Variants in ALDH1L2 observed in about 807,000 individuals in gnomAD.
ALDH1L2 encodes aldehyde dehydrogenase 1 family member L2, also known as mitochondrial 10-formyltetrahydrofolate dehydrogenase.
A neutral mutation model predicts 111.0 loss-of-function variants in ALDH1L2; 91 were observed. The ratio of observed to expected loss-of-function variants is 0.82; its 90% CI spans 0.69 to 0.98. The LOEUF (loss-of-function observed/expected upper bound fraction) is 0.98. Among genes scored for constraint, ALDH1L2 ranks in the 50% least tolerant of loss-of-function variants. ALDH1L2 has a pLI of 0.00. For synonymous variants in ALDH1L2, 374 were observed against 392.6 expected, an observed-to-expected ratio of 0.95 and a Z score of 0.56; for missense variants, 995 against 1,126.8, an observed-to-expected ratio of 0.88 and a Z score of 1.67.
At chr12:105,034,442 G>A (rs770416799) in intron 18 of ALDH1L2, 44 bp from the exon 19 acceptor site, 2 of 1,542,366 alleles carry the variant, frequency 1.3e-6, no homozygotes, top group South Asian at 2.3e-5. Context: ...CATTTGAGAA[G>A]TCAAGATTCT....
chr12:105,028,193 C>T (rs1874516094), intron 21 of ALDH1L2, among the ~76,000 whole-genome samples: 1 of 152,200 alleles, frequency 6.6e-6, no homozygotes, highest in Non-Finnish European at 1.5e-5. Flanking sequence ...TCACTGCAAC[C>T]TTCGCCTCCC....
chr12:105,083,407 T>C (rs1358946259), intron 1 of ALDH1L2, among the ~76,000 whole-genome samples: 1 of 149,970 alleles, frequency 6.7e-6, no homozygotes, highest in East Asian at 2.0e-4. Context: ...CGAATTCTTA[T>C]TATTTGGGGT....
rs527764022 is a variant in ALDH1L2 at position 105,055,081 on chromosome 12, AG to A, written c.1288-2151del. ...GAATCCAGAAGACCAATATACAAGC[AG>A]GGCTTGTGCATGTGCCCAGAAAAGA... On this transcript the variant is annotated intron_variant, in intron 10 of 22. Transcript: ENST00000258494. Among the ~76,000 whole-genome samples, 26 of 152,362 alleles carry A rather than the reference AG, an allele frequency of 1.7e-4. No individual in the cohort carries two copies. In the East Asian group the frequency reaches 4.4e-3, roughly 26 times the overall value.
chr12:105,039,631 A>T, intron 17 of ALDH1L2, 82 bp downstream of exon 17: 1 of 1,084,756 alleles, frequency 9.2e-7, no homozygotes, highest in Non-Finnish European at 1.4e-6. Context: ...AGTTTTTCTC[A>T]CTCAAAAAGT....
At chr12:105,051,825 C>G (rs1213033621) in intron 12 of ALDH1L2, among the ~76,000 whole-genome samples, 1 of 146,956 alleles carries the variant, frequency 6.8e-6, no homozygotes, top group Non-Finnish European at 1.5e-5. Flanking sequence ...TGCTTTCTAG[C>G]ACAGGCTGGA....
chr12:105,032,631 A>G (rs1174139459), intron 19 of ALDH1L2, among the ~76,000 whole-genome samples: 4 of 152,210 alleles, frequency 2.6e-5, no homozygotes, highest in Non-Finnish European at 4.4e-5. Flanking sequence ...AGTGCACCCA[A>G]CCACTAAATA....
chr12:105,046,899 CCGAGTGGCTCTTTCTTGGT>C lies in ALDH1L2; in HGVS notation c.1738_1756del (p.Thr580ValfsTer13), dbSNP rs779407676. The C allele has an allele frequency of 1.2e-5, 19 of 1,614,014 alleles. No individual in the cohort carries two copies. Among genetic ancestry groups the C allele is most frequent in the Non-Finnish European group, 1.6e-5 (19 of 1,179,900 alleles). On this transcript the variant is annotated frameshift_variant and splice_region_variant, in exon 14 of 23. Coordinates refer to ENST00000258494, the MANE Select transcript of ALDH1L2 (RefSeq NM_001034173.4). LOFTEE classifies it high-confidence loss of function. ...CTCAGAGGCACTCTCCTTATCTTAC[CCGAGTGGCTCTTTCTTGGT>C]GAAGGTCAGATTGCGATTTGGACGG... is the stretch of plus-strand genomic sequence containing the variant.
At chr12:105,059,155 T>C (rs1222587622) in intron 9 of ALDH1L2, among the ~76,000 whole-genome samples, 1 of 151,918 alleles carries the variant, frequency 6.6e-6, no homozygotes, top group Non-Finnish European at 1.5e-5. Context: ...TAATCCCAGC[T>C]ACTTGGGAAG....
At chr12:105,031,989 T>C in intron 19 of ALDH1L2, 55 bp from the exon 20 acceptor site, 1 of 1,573,750 alleles carries the variant, frequency 6.4e-7, no homozygotes, top group Non-Finnish European at 8.7e-7. Context: ...TAATGGAGTT[T>C]CTACCAAGTG....
At chr12:105,083,716 C>G (rs1177032842) in intron 1 of ALDH1L2, among the ~76,000 whole-genome samples, 1 of 152,074 alleles carries the variant, frequency 6.6e-6, no homozygotes, top group Non-Finnish European at 1.5e-5. Context: ...TCTCTCGGTT[C>G]CATTTCTGGA....
intron 8 of ALDH1L2, 23 bp from the exon 9 acceptor site, chr12:105,061,095 T>A (rs766636237): frequency 1.3e-6 from 2 of 1,592,898 alleles, no homozygotes; most frequent in East Asian, 4.5e-5. Flanking sequence ...GAAACTCTTA[T>A]GAGGGAAGTG....
At chr12:105,037,355 A>T (rs1875218639) in intron 18 of ALDH1L2, among the ~76,000 whole-genome samples, 1 of 152,220 alleles carries the variant, frequency 6.6e-6, no homozygotes, top group South Asian at 2.1e-4. Flanking sequence ...ATAAAACCAT[A>T]GTACATTGTT....
At chr12:105,036,006 ATG>A (rs1363191846) in intron 18 of ALDH1L2, among the ~76,000 whole-genome samples, 1 of 97,634 alleles carries the variant, frequency 1.0e-5, no homozygotes, top group Non-Finnish European at 1.9e-5. Context: ...ATATTTATAT[ATG>A]TGTATATATA....
chr12:105,037,511 G>A (rs914010477), intron 18 of ALDH1L2, among the ~76,000 whole-genome samples: 2 of 152,142 alleles, frequency 1.3e-5, no homozygotes, highest in Non-Finnish European at 2.9e-5. Flanking sequence ...GGGAAAGGAG[G>A]GAGAAGCTAG....
chr12:105,032,414 T>C (rs527405033), intron 19 of ALDH1L2, among the ~76,000 whole-genome samples: 10 of 152,160 alleles, frequency 6.6e-5, no homozygotes, highest in Non-Finnish European at 1.5e-5. Context: ...AATTTTTGTA[T>C]TTTTAGTAGA....
intron 20 of ALDH1L2, among the ~76,000 whole-genome samples, chr12:105,031,216 A>T (rs183377736): frequency 6.6e-6 from 1 of 152,214 alleles, no homozygotes; most frequent in African/African-American, 2.4e-5. Flanking sequence ...TATGAGATTC[A>T]TAATATGCAA....
intron 2 of ALDH1L2, chr12:105,072,382 A>G (rs1297743331): frequency 6.6e-6 from 1 of 151,914 alleles, no homozygotes; most frequent in African/African-American, 2.4e-5. Context: ...TTGACTTAGG[A>G]TGAGATGATG....
At position 105,039,791 on chromosome 12, in the gene ALDH1L2, T is replaced by G. The variant is rs1223554972; in HGVS notation, c.1967A>C (p.Gln656Pro). 2 of 1,614,026 alleles carry G rather than the reference T, an allele frequency of 1.2e-6. No homozygotes were observed. The highest frequency in any genetic ancestry group is 1.7e-6 in the Non-Finnish European group (2 of 1,179,934). The change falls in exon 17 of 23, where the codon CAA (glutamine) becomes CCA (proline). Residue 656 changes from glutamine to proline, a missense_variant. Coordinates refer to ENST00000258494, the MANE Select transcript of ALDH1L2 (RefSeq NM_001034173.4). Reference sequence around the variant, plus strand: ...GATGTCAGGATGTTCAGACAGACGTTGTCCTGCTATGCCACCTGTAGAATT... The same window carrying G: ...GATGTCAGGATGTTCAGACAGACGTGGTCCTGCTATGCCACCTGTAGAATT... ...IIPGSGGIAG[Q>P]RLSEHPDIRK...
chr12:105,045,143 GTGCAACCTCCGCTCAC>G (rs1875764798), intron 15 of ALDH1L2, among the ~76,000 whole-genome samples: 2 of 152,148 alleles, frequency 1.3e-5, no homozygotes, highest in South Asian at 4.1e-4. Context: ...GAGTGCAATG[GTGCAACCTCCGCTCAC>G]TGCAACCTCT....
Sources: allele counts gnomAD v4.1 joint callset (sites outside exome capture counted in the v4.1 genomes callset), GRCh38; gene constraint gnomAD v4.1.1; transcripts MANE v1.5; gene names NCBI Gene and HGNC (gene_info 2026-07-23, HGNC 2026-07-21).